Variants in FOXP2 observed in about 807,000 individuals in gnomAD.
FOXP2 encodes forkhead box protein P2.
A neutral mutation model predicts 115.8 loss-of-function variants in FOXP2; 12 were observed. That is an observed-to-expected ratio of 0.10 (90% CI 0.07 to 0.17). The LOEUF (loss-of-function observed/expected upper bound fraction) is 0.17. Among genes scored for constraint, FOXP2 ranks in the 10% least tolerant of loss-of-function variants. The probability of loss-of-function intolerance (pLI) is 1.00; values close to 1 mark genes in which losing one functional copy is unlikely to be tolerated. For synonymous variants in FOXP2, 328 were observed against 297.7 expected (o/e 1.10, Z -1.05); for missense variants, 629 against 843.5 (o/e 0.75, Z 3.15).
intron 3 of FOXP2, among the ~76,000 whole-genome samples, chr7:114,620,475 G>T (rs1486995184): frequency 6.6e-6 from 1 of 152,070 alleles, no homozygotes; most frequent in Non-Finnish European, 1.5e-5. Flanking sequence ...GTCATGCTAT[G>T]AAGAGCCTGA....
At chr7:114,162,442 T>C (rs1361724439), upstream of FOXP2, among the ~76,000 whole-genome samples, 1 of 152,202 alleles carries the variant, frequency 6.6e-6, no homozygotes, top group Non-Finnish European at 1.5e-5. Flanking sequence ...GGCCCTGTAC[T>C]GTTTCTGGTC....
chr7:114,358,144 T>C (rs1218086375), intron 2 of FOXP2, among the ~76,000 whole-genome samples: 1 of 152,154 alleles, frequency 6.6e-6, no homozygotes, highest in East Asian at 1.9e-4. Context: ...GATAGTGGAA[T>C]AAATCTCACA....
intron 1 of FOXP2, among the ~76,000 whole-genome samples, chr7:114,212,122 A>AATAAAATAAAATATAT (rs67192679): frequency 1.5e-5 from 2 of 131,016 alleles, no homozygotes; most frequent in Admixed American, 7.8e-5. Flanking sequence ...AATAAAATAA[A>AATAAAATAAAATATAT]ATATATATAT....
chr7:114,333,948 C>T (rs1797777258), intron 2 of FOXP2, among the ~76,000 whole-genome samples: 1 of 151,170 alleles, frequency 6.6e-6, no homozygotes, highest in Non-Finnish European at 1.5e-5. Flanking sequence ...TCTGTAGCTT[C>T]TTCTCCTTAC....
intron 2 of FOXP2, among the ~76,000 whole-genome samples, chr7:114,467,751 A>T (rs1795873697): frequency 6.6e-6 from 1 of 152,194 alleles, no homozygotes; most frequent in Admixed American, 6.5e-5. Flanking sequence ...TTATGAATAG[A>T]AGATACTTTC....
intron 2 of FOXP2, among the ~76,000 whole-genome samples, chr7:114,323,148 C>A (rs1797469590): frequency 6.6e-6 from 1 of 152,088 alleles, no homozygotes; most frequent in Non-Finnish European, 1.5e-5. Flanking sequence ...TGGGTATACA[C>A]CCCAGTGAAT....
At chr7:114,416,578 G>A (rs559320653) in intron 1 of FOXP2, among the ~76,000 whole-genome samples, 28 of 148,534 alleles carry the variant, frequency 1.9e-4, no homozygotes, top group Non-Finnish European at 1.9e-4. Context: ...CACTTTCACC[G>A]TCAATAGTGT....
At chr7:114,659,298 T>G (rs1806751153) in intron 11 of FOXP2, 58 bp from the exon 12 acceptor site, 1 of 1,241,960 alleles carries the variant, frequency 8.1e-7, no homozygotes, top group Non-Finnish European at 1.2e-6. Context: ...ATATGAAAAT[T>G]CAATTATATA....
At chr7:114,585,791 C>T (rs1271282951) in intron 3 of FOXP2, among the ~76,000 whole-genome samples, 2 of 152,134 alleles carry the variant, frequency 1.3e-5, no homozygotes, top group Non-Finnish European at 2.9e-5. Context: ...CTCTTTAACT[C>T]AGGAGGCACA....
chr7:114,208,135 A>G, intron 1 of FOXP2, among the ~76,000 whole-genome samples: 1 of 152,202 alleles, frequency 6.6e-6, no homozygotes, highest in East Asian at 1.9e-4. Context: ...CCAGCCCATG[A>G]AAGCAACTGG....
At chr7:114,292,009 G>GAATATATATATTATAGATA (rs1307103682) in intron 2 of FOXP2, among the ~76,000 whole-genome samples, 2 of 124,824 alleles carry the variant, frequency 1.6e-5, no homozygotes, top group African/African-American at 2.9e-5. Context: ...ATAATATATA[G>GAATATATATATTATAGATA]ATATAACATT....
At chr7:114,430,560 C>T (rs1794061125) in intron 2 of FOXP2, among the ~76,000 whole-genome samples, 2 of 151,784 alleles carry the variant, frequency 1.3e-5, no homozygotes, top group Admixed American at 1.3e-4. Flanking sequence ...AAACTTAACA[C>T]TCACATCTTC....
intron 3 of FOXP2, among the ~76,000 whole-genome samples, chr7:114,580,832 G>A (rs117198490): frequency 1.5e-3 from 232 of 152,194 alleles, no homozygotes; most frequent in Non-Finnish European, 2.5e-3. Context: ...GGATATCTGC[G>A]TGTTCAGTAG....
intron 2 of FOXP2, among the ~76,000 whole-genome samples, chr7:114,379,094 T>G (rs1792215742): frequency 6.6e-6 from 1 of 152,142 alleles, no homozygotes; most frequent in Admixed American, 6.6e-5. Context: ...TTTTTGCAGT[T>G]GCAAGATTTA....
chr7:114,263,238 T>C (rs1321142682), intron 1 of FOXP2, among the ~76,000 whole-genome samples: 1 of 152,172 alleles, frequency 6.6e-6, no homozygotes, highest in Non-Finnish European at 1.5e-5. Context: ...GAGTTATCTT[T>C]GCTTATGCCA....
At chr7:114,534,445 A>G (rs990535894) in intron 2 of FOXP2, among the ~76,000 whole-genome samples, 172 bp from the exon 3 acceptor site, 2 of 151,846 alleles carry the variant, frequency 1.3e-5, no homozygotes, top group East Asian at 3.9e-4. Context: ...GTAAAAAGTT[A>G]TATATGTGTG....
At chr7:114,111,539 A>G (rs1231701426) in intron 1 of FOXP2, among the ~76,000 whole-genome samples, 1 of 152,134 alleles carries the variant, frequency 6.6e-6, no homozygotes, top group African/African-American at 2.4e-5. Flanking sequence ...ATAAAACATA[A>G]GGGAACTTAT....
At chr7:114,453,352 AT>A (rs201703522) in intron 2 of FOXP2, among the ~76,000 whole-genome samples, 2 of 151,414 alleles carry the variant, frequency 1.3e-5, no homozygotes, top group Admixed American at 6.6e-5. Flanking sequence ...AAGTCCTTTG[AT>A]TTTTTTTTGT....
intron 2 of FOXP2, among the ~76,000 whole-genome samples, chr7:114,322,658 G>C (rs1055012943): frequency 6.6e-6 from 1 of 152,052 alleles, no homozygotes; most frequent in Non-Finnish European, 1.5e-5. Flanking sequence ...CATTTTAACT[G>C]GTGAAGCATG....
Sources: allele counts gnomAD v4.1 joint callset (sites outside exome capture counted in the v4.1 genomes callset), GRCh38; gene constraint gnomAD v4.1.1; transcripts MANE v1.5; gene names NCBI Gene and HGNC (gene_info 2026-07-23, HGNC 2026-07-21).